CEP164: variants seen among roughly 807,000 people sequenced by gnomAD.
CEP164 encodes centrosomal protein 164, also known as centrosomal protein of 164 kDa.
In CEP164, 162 loss-of-function variants were observed where a neutral mutation model predicts 182.7. The ratio of observed to expected loss-of-function variants is 0.89; its 90% CI spans 0.78 to 1.01. The LOEUF is 1.01. Ranked by LOEUF, CEP164 falls within the 50% of genes least tolerant of loss-of-function variation. The pLI is 0.00. For missense variants in CEP164, 1,735 were observed against 1,790.4 expected, an observed-to-expected ratio of 0.97 and a Z score of 0.56; for synonymous variants, 661 against 690.0, an observed-to-expected ratio of 0.96 and a Z score of 0.66.
In CEP164 at chr11:117,338,610, A is replaced by G. The variant is rs746623048; in HGVS notation, c.24A>G (p.Ile8Met). 1 of 1,613,894 alleles carries G rather than the reference A, an allele frequency of 6.2e-7. No homozygotes were observed. The highest frequency in any genetic ancestry group is 8.5e-7 in the Non-Finnish European group (1 of 1,179,782). MAGRPLR[I>M]GDQLVLEEDY... Reference sequence around the variant, plus strand: ...TCATGGCTGGACGACCCCTCCGCATAGGAGATCAGCTGGTTCTGGAAGAAG... The same window carrying G: ...TCATGGCTGGACGACCCCTCCGCATGGGAGATCAGCTGGTTCTGGAAGAAG... The change falls in exon 3 of 33, where the codon ATA becomes ATG. Residue 8 changes from isoleucine to methionine, a missense_variant. Ile to Met is a conservative substitution (Grantham distance 10). Transcript: ENST00000278935.
In CEP164 at chr11:117,382,726, A is replaced by T. The variant is rs566780033; in HGVS notation, c.1578-70A>T. 1.3e-5 allele frequency: 20 copies of T among 1,547,274 alleles called. No homozygotes were observed. The African/African-American group carries it at 2.3e-4, about 18-fold the overall frequency. On this transcript the variant is annotated intron_variant, in intron 13 of 32. Coordinates refer to ENST00000278935, the MANE Select transcript of CEP164 (RefSeq NM_014956.5). Reference sequence around the variant, plus strand: ...TCTCTGTCATAGCTCTTTGACCCCAAATGGCGTACATCTTAAGCCTCTTGC... The same window carrying T: ...TCTCTGTCATAGCTCTTTGACCCCATATGGCGTACATCTTAAGCCTCTTGC...
At chr11:117,387,129 A>G in intron 14 of CEP164, 74 bp from the exon 15 acceptor site, 1 of 1,316,568 alleles carries the variant, frequency 7.6e-7, no homozygotes, top group Non-Finnish European at 1.1e-6. Flanking sequence ...GATGTTCCGT[A>G]TCCATTCTAA....
upstream of CEP164, among the ~76,000 whole-genome samples, chr11:117,326,183 T>A (rs888493104): frequency 7.9e-5 from 12 of 151,986 alleles, no homozygotes; most frequent in African/African-American, 2.7e-4. Context: ...AGTTCTGGGA[T>A]TCCAGGCATG....
intron 4 of CEP164, among the ~76,000 whole-genome samples, chr11:117,349,238 G>T (rs1390835190): frequency 6.6e-6 from 1 of 152,098 alleles, no homozygotes; most frequent in East Asian, 1.9e-4. Context: ...GGCCAGGCTG[G>T]TCTCGAACTC....
chr11:117,373,867 A>G, intron 10 of CEP164, 36 bp downstream of exon 10: 1 of 1,576,542 alleles, frequency 6.3e-7, no homozygotes, highest in South Asian at 1.1e-5. Flanking sequence ...GTGGTGGTGA[A>G]GAGCATAGAT....
intron 3 of CEP164, among the ~76,000 whole-genome samples, chr11:117,342,438 T>C (rs1338916143): frequency 1.3e-5 from 2 of 152,166 alleles, no homozygotes; most frequent in Non-Finnish European, 1.5e-5. Flanking sequence ...GGTGACATGT[T>C]CCAACGGTTA....
Position 117,373,731 on chromosome 11 carries a change from C to T in CEP164, c.1153-20C>T, listed in dbSNP as rs746302111. On this transcript the variant is annotated intron_variant, in intron 9 of 32. Coordinates refer to ENST00000278935, the MANE Select transcript of CEP164 (RefSeq NM_014956.5). Reference sequence around the variant, plus strand: ...TTGTGCTCTGCTCTGAGGGATTTCTCTGTGGGTCTGTCTCTCCAGGAACTG... The same window carrying T: ...TTGTGCTCTGCTCTGAGGGATTTCTTTGTGGGTCTGTCTCTCCAGGAACTG... 2 of 1,609,732 alleles carry T rather than the reference C, an allele frequency of 1.2e-6. No individual in the cohort carries two copies. Among genetic ancestry groups the T allele is most frequent in the South Asian group, 2.2e-5 (2 of 90,962 alleles).
intron 8 of CEP164, among the ~76,000 whole-genome samples, chr11:117,370,646 C>T (rs1307192984): frequency 6.6e-6 from 1 of 152,178 alleles, no homozygotes; most frequent in African/African-American, 2.4e-5. Context: ...TGTGGTGGCT[C>T]ACGCCTGTAA....
chr11:117,411,767 C>A lies in CEP164; in HGVS notation c.4164-28C>A, dbSNP rs779109683. 1.9e-6 allele frequency: 3 copies of A among 1,613,532 alleles called. No individual in the cohort carries two copies. The highest frequency in any genetic ancestry group is 3.3e-5 in the Admixed American group (2 of 59,986). ...GTCACTTCCGCGCCTCCTCTCTCCCCTCGCCATGCTCTCCTCTTCCTTCCC... is the reference window on the plus strand; with the variant it reads ...GTCACTTCCGCGCCTCCTCTCTCCCATCGCCATGCTCTCCTCTTCCTTCCC... On this transcript the variant is annotated intron_variant, in intron 31 of 32. Coordinates refer to ENST00000278935, the MANE Select transcript of CEP164 (RefSeq NM_014956.5). This position sits in a 1 kb window ranked among gnomAD's most constrained non-coding sequence, Gnocchi z 4.4.
At chr11:117,389,551 T>C (rs1216613584) in intron 15 of CEP164, among the ~76,000 whole-genome samples, 1 of 152,210 alleles carries the variant, frequency 6.6e-6, no homozygotes, top group African/African-American at 2.4e-5. Flanking sequence ...TGAATTATGA[T>C]GCCATGTGAC....
At chr11:117,336,576 C>T in intron 2 of CEP164, 1 of 1,516,736 alleles carries the variant, frequency 6.6e-7, no homozygotes, top group Non-Finnish European at 9.1e-7. Flanking sequence ...CTCCAGGGCA[C>T]CCAGTGTTGG....
intron 27 of CEP164, among the ~76,000 whole-genome samples, chr11:117,403,648 C>T (rs1045071870): frequency 2.0e-5 from 3 of 152,078 alleles, no homozygotes; most frequent in East Asian, 3.9e-4. Context: ...TTGCTCTTCT[C>T]GAGGAGTATC....
intron 3 of CEP164, among the ~76,000 whole-genome samples, chr11:117,341,016 A>C (rs918789801): frequency 1.3e-5 from 2 of 152,124 alleles, no homozygotes; most frequent in African/African-American, 2.4e-5. Flanking sequence ...TAGCAGAGAC[A>C]GGGTTTCACC....
intron 2 of CEP164, among the ~76,000 whole-genome samples, chr11:117,337,041 G>A (rs1238887829): frequency 6.6e-6 from 1 of 152,068 alleles, no homozygotes; most frequent in African/African-American, 2.4e-5. Context: ...ATTTGGCACC[G>A]CCCCATCCCT....
intron 2 of CEP164, 22 bp from the exon 3 acceptor site, chr11:117,338,544 G>A: frequency 6.5e-7 from 1 of 1,548,296 alleles, no homozygotes; most frequent in Non-Finnish European, 8.9e-7. Flanking sequence ...TTTCTCTTTT[G>A]GTGGGGGCCT....
At position 117,361,905 on chromosome 11, in the gene CEP164, A is replaced by G; in HGVS notation, c.464A>G (p.Asp155Gly). Reference sequence around the variant, plus strand: ...CTGGCTCCTTTACGAGGTCTTGTGGATACCCCACCCTCTGCTCTTCGTGGA... The same window carrying G: ...CTGGCTCCTTTACGAGGTCTTGTGGGTACCCCACCCTCTGCTCTTCGTGGA... ...GGLAPLRGLV[D>G]TPPSALRGSQ... Residue 155 changes from aspartate to glycine, a missense_variant, in exon 6 of 33, where the codon GAT becomes GGT. Transcript: ENST00000278935. 1.9e-6 allele frequency: 3 copies of G among 1,613,654 alleles called. No individual in the cohort carries two copies. The highest frequency in any genetic ancestry group is 2.5e-6 in the Non-Finnish European group (3 of 1,179,916).
At chr11:117,395,843 A>G in intron 24 of CEP164, 121 bp downstream of exon 24, 1 of 1,287,008 alleles carries the variant, frequency 7.8e-7, no homozygotes, top group Non-Finnish European at 1.1e-6. Flanking sequence ...GGAGCTAGGC[A>G]GAAGAGCCTG....
chr11:117,402,896 A>T (rs2046300767), intron 27 of CEP164, among the ~76,000 whole-genome samples: 1 of 152,144 alleles, frequency 6.6e-6, no homozygotes, highest in Non-Finnish European at 1.5e-5. Flanking sequence ...TTGGATAGTT[A>T]GCTCTTCTCC....
chr11:117,392,973 T>C lies in CEP164; in HGVS notation c.2494-31T>C, dbSNP rs376600270. 1.1e-5 allele frequency: 18 copies of C among 1,611,338 alleles called. No homozygotes were observed. In the African/African-American group the frequency reaches 2.4e-4, roughly 22 times the overall value. On this transcript the variant is annotated intron_variant, in intron 19 of 32. Coordinates refer to ENST00000278935, the MANE Select transcript of CEP164 (RefSeq NM_014956.5). ...CTGAGTGCTGGTCCGCCTCGGTTCT[T>C]CATGCCACATCCCTGCCATCTCCCC...
Sources: allele counts gnomAD v4.1 joint callset (sites outside exome capture counted in the v4.1 genomes callset), GRCh38; gene constraint gnomAD v4.1.1; non-coding constraint Gnocchi (gnomAD v3.1); transcripts MANE v1.5; gene names NCBI Gene and HGNC (gene_info 2026-07-23, HGNC 2026-07-21).